Variants in DSCAM observed in about 807,000 individuals in gnomAD.
DSCAM encodes the protein DS cell adhesion molecule, also known as cell adhesion molecule DSCAM.
In DSCAM, 47 loss-of-function variants were observed where a neutral mutation model predicts 217.7. That is an observed-to-expected ratio of 0.22 (90% CI 0.17 to 0.28). DSCAM has a LOEUF of 0.28. Ranked by LOEUF, DSCAM falls within the 10% of genes least tolerant of loss-of-function variation. The pLI is 1.00. For synonymous variants in DSCAM, 1,056 were observed against 1,015.3 expected (o/e 1.04, Z -0.76); for missense variants, 2,080 against 2,618.3 (o/e 0.79, Z 4.49).
chr21:40,509,906 C>T (rs1363978769), intron 3 of DSCAM, among the ~76,000 whole-genome samples: 4 of 152,072 alleles, frequency 2.6e-5, no homozygotes, highest in South Asian at 2.1e-4. Context: ...AGGCGGATCA[C>T]GAGTTCAAGA....
chr21:40,103,837 T>C (rs2089784238), intron 20 of DSCAM, among the ~76,000 whole-genome samples: 1 of 150,890 alleles, frequency 6.6e-6, no homozygotes, highest in Non-Finnish European at 1.5e-5. Flanking sequence ...TATATGTCTA[T>C]ATATATGACT....
At chr21:40,211,643 A>G (rs1391451709) in intron 11 of DSCAM, among the ~76,000 whole-genome samples, 2 of 152,078 alleles carry the variant, frequency 1.3e-5, no homozygotes, top group South Asian at 2.1e-4. Flanking sequence ...CCATCAGGGC[A>G]TGAGTCAAAC....
At chr21:40,837,676 C>G (rs1471129672) in intron 1 of DSCAM, among the ~76,000 whole-genome samples, 2 of 152,216 alleles carry the variant, frequency 1.3e-5, no homozygotes, top group African/African-American at 4.8e-5. Flanking sequence ...TTCCACATTT[C>G]TTGTGCATTT....
chr21:40,066,889 AC>A (rs1391325250), intron 27 of DSCAM, among the ~76,000 whole-genome samples: 1 of 152,104 alleles, frequency 6.6e-6, no homozygotes, highest in Non-Finnish European at 1.5e-5. Flanking sequence ...CCTTTCTATA[AC>A]CTCAACTAAC....
intron 6 of DSCAM, among the ~76,000 whole-genome samples, chr21:40,340,570 C>T (rs188387115): frequency 6.6e-6 from 1 of 152,290 alleles, no homozygotes; most frequent in Admixed American, 6.5e-5. Context: ...ATTGCAATCA[C>T]ATGCCACAGG....
At chr21:40,518,239 C>G (rs1311703049) in intron 3 of DSCAM, among the ~76,000 whole-genome samples, 2 of 141,732 alleles carry the variant, frequency 1.4e-5, no homozygotes, top group Non-Finnish European at 3.0e-5. Context: ...ACCCTGAAGG[C>G]CTGAGATGCG....
Position 40,846,637 on chromosome 21 carries a change from A to C in DSCAM, c.25T>G (p.Phe9Val). The change falls in exon 1 of 33, where the codon TTC becomes GTC. Residue 9 changes from phenylalanine (F) to valine (V), a missense_variant. Physicochemically the swap from Phe to Val is conservative, Grantham distance 50. This residue lies in a region of DSCAM where 568 missense variants were observed against 678.1 expected (regional missense o/e 0.84). Coordinates refer to ENST00000400454, the MANE Select transcript of DSCAM (RefSeq NM_001389.5). ...GGCTCACCATTCGCGAAGCTCTGGA[A>C]CAAGGAGAGAGCCAGTATCCACATG... Reference protein sequence around the residue: MWILALSLFQSFANVFSED... With the variant: MWILALSLVQSFANVFSED... The C allele has an allele frequency of 7.7e-7, 1 of 1,304,260 alleles. No individual in the cohort carries two copies. Among genetic ancestry groups the C allele is most frequent in the Non-Finnish European group, 9.8e-7 (1 of 1,018,134 alleles). The allele number at this position is 1,304,260 out of a possible 1,614,324, so 80.8% of individuals were successfully genotyped here.
At chr21:40,684,946 G>A (rs1200352885) in intron 3 of DSCAM, among the ~76,000 whole-genome samples, 1 of 152,178 alleles carries the variant, frequency 6.6e-6, no homozygotes, top group Non-Finnish European at 1.5e-5. Flanking sequence ...CGGGGAGAGA[G>A]AGAAAGCAGA....
chr21:40,350,180 A>C (rs968364689), intron 5 of DSCAM, among the ~76,000 whole-genome samples: 2 of 152,332 alleles, frequency 1.3e-5, no homozygotes. Flanking sequence ...AAACCATAGA[A>C]ACGCTAGAAG....
At chr21:40,243,570 C>T (rs1319897530) in intron 11 of DSCAM, among the ~76,000 whole-genome samples, 2 of 152,128 alleles carry the variant, frequency 1.3e-5, no homozygotes, top group East Asian at 3.9e-4. Flanking sequence ...ATAAAAGCAT[C>T]GGTTTTTTCT....
At chr21:40,815,919 G>A (rs1178617347) in intron 1 of DSCAM, among the ~76,000 whole-genome samples, 1 of 152,194 alleles carries the variant, frequency 6.6e-6, no homozygotes, top group East Asian at 1.9e-4. Flanking sequence ...TTTAGAAAGT[G>A]CTCAGTAGTT....
chr21:40,675,730 A>C (rs1340378886), intron 3 of DSCAM, among the ~76,000 whole-genome samples: 1 of 152,232 alleles, frequency 6.6e-6, no homozygotes, highest in Admixed American at 6.5e-5. Flanking sequence ...CCTGATGTGC[A>C]CAAATAATTT....
intron 21 of DSCAM, among the ~76,000 whole-genome samples, chr21:40,092,097 G>T (rs1313012702): frequency 6.6e-6 from 1 of 152,108 alleles, no homozygotes; most frequent in Non-Finnish European, 1.5e-5. Flanking sequence ...TCCCTGGTGG[G>T]TCCATGCCTT....
intron 1 of DSCAM, among the ~76,000 whole-genome samples, chr21:40,812,734 T>C (rs763208752): frequency 6.6e-6 from 1 of 152,164 alleles, no homozygotes; most frequent in Non-Finnish European, 1.5e-5. Flanking sequence ...TAGAAGATGA[T>C]GTAGAATAAA....
chr21:40,341,842 T>A (rs2074495104), intron 6 of DSCAM, among the ~76,000 whole-genome samples: 1 of 152,224 alleles, frequency 6.6e-6, no homozygotes, highest in Non-Finnish European at 1.5e-5. Context: ...CACTGTTTTT[T>A]TTCCAGAGCA....
intron 3 of DSCAM, among the ~76,000 whole-genome samples, chr21:40,585,031 G>A (rs1161951098): frequency 1.3e-5 from 2 of 151,814 alleles, no homozygotes; most frequent in African/African-American, 4.8e-5. Flanking sequence ...CCCTCCTCTC[G>A]CTCTTGCTTC....
At chr21:40,328,157 T>C (rs2074337820) in intron 8 of DSCAM, among the ~76,000 whole-genome samples, 1 of 151,762 alleles carries the variant, frequency 6.6e-6, no homozygotes, top group Non-Finnish European at 1.5e-5. Flanking sequence ...AAAATTCCAA[T>C]ATAACCAAAA....
chr21:40,565,662 G>T (rs563471318), intron 3 of DSCAM, among the ~76,000 whole-genome samples: 5 of 152,250 alleles, frequency 3.3e-5, no homozygotes, highest in Non-Finnish European at 7.4e-5. Flanking sequence ...TCCCAGAACC[G>T]CAGCCAGCAG....
chr21:40,408,297 G>C (rs562716087), intron 3 of DSCAM, among the ~76,000 whole-genome samples: 1 of 152,040 alleles, frequency 6.6e-6, no homozygotes, highest in Non-Finnish European at 1.5e-5. Flanking sequence ...GTGATAGGGT[G>C]GGGGGACAGG....
Sources: gnomAD v4.1 joint callset for allele counts (sites outside exome capture counted in the v4.1 genomes callset) on GRCh38, gnomAD v4.1.1 for gene constraint, gnomAD v4.1.1 regional missense constraint, MANE v1.5 for transcripts, NCBI Gene and HGNC (gene_info 2026-07-23, HGNC 2026-07-21) for gene names.